The following SOX6 variants were observed in gnomAD, a reference collection of about 807,000 sequenced individuals.
The protein encoded by SOX6 is transcription factor SOX-6.
A neutral mutation model predicts 97.8 loss-of-function variants in SOX6; 11 were observed. The ratio of observed to expected loss-of-function variants is 0.11; its 90% confidence interval spans 0.07 to 0.19. SOX6 has a LOEUF of 0.19. Ranked by LOEUF, SOX6 falls within the 10% of genes least tolerant of loss-of-function variation. SOX6 has a pLI of 1.00. For missense variants in SOX6, 810 were observed against 1,039.5 expected (o/e 0.78, Z 3.04); for synonymous variants, 360 against 371.4 (o/e 0.97, Z 0.35).
intron 3 of SOX6, among the ~76,000 whole-genome samples, chr11:16,644,593 G>A (rs988877026): frequency 3.3e-5 from 5 of 152,146 alleles, no homozygotes; most frequent in Non-Finnish European, 5.9e-5. Flanking sequence ...TGGGGGGGTA[G>A]AGATTTAAAC....
At chr11:16,075,681 G>C (rs1009480063) in intron 9 of SOX6, among the ~76,000 whole-genome samples, 2 of 152,112 alleles carry the variant, frequency 1.3e-5, no homozygotes, top group African/African-American at 4.8e-5. Context: ...GGGAGGGATA[G>C]CGTTAGGAGA....
intron 4 of SOX6, among the ~76,000 whole-genome samples, chr11:16,555,899 T>C (rs893916474): frequency 6.6e-6 from 1 of 151,744 alleles, no homozygotes; most frequent in Admixed American, 6.6e-5. Context: ...TCTTTTCATA[T>C]AAATATTTCT....
At chr11:16,186,515 C>T (rs548128038) in intron 5 of SOX6, among the ~76,000 whole-genome samples, 2 of 152,206 alleles carry the variant, frequency 1.3e-5, no homozygotes, top group Admixed American at 6.5e-5. Context: ...GAATAAGCAT[C>T]CCCAAATCAT....
At chr11:16,452,718 GA>G (rs1044412940) in intron 1 of SOX6, among the ~76,000 whole-genome samples, 5 of 151,946 alleles carry the variant, frequency 3.3e-5, no homozygotes, top group African/African-American at 1.2e-4. Flanking sequence ...AAGAAAAGAG[GA>G]AAAAAATTTT....
chr11:16,188,935 T>C (rs960446809), intron 4 of SOX6, among the ~76,000 whole-genome samples: 4 of 151,816 alleles, frequency 2.6e-5, no homozygotes, highest in African/African-American at 9.7e-5. Context: ...TAGGGGTGGG[T>C]ACCTGTAGTC....
chr11:16,723,152 A>C (rs536484749), intron 2 of SOX6, among the ~76,000 whole-genome samples: 1 of 152,232 alleles, frequency 6.6e-6, no homozygotes, highest in South Asian at 2.1e-4. Context: ...GTCATAAAAA[A>C]GGATGAGATC....
chr11:15,978,954 A>AT (rs1564890365), intron 15 of SOX6, among the ~76,000 whole-genome samples: 173 of 138,362 alleles, frequency 1.3e-3, no homozygotes, highest in African/African-American at 4.2e-3. Context: ...AAGCATATAT[A>AT]ATGCTTATTT....
chr11:16,444,042 CT>C (rs60791574), intron 1 of SOX6, among the ~76,000 whole-genome samples: 1 of 150,042 alleles, frequency 6.7e-6, no homozygotes, highest in Non-Finnish European at 1.5e-5. Flanking sequence ...TTGCCCCGAC[CT>C]TTTTTTAAGT....
chr11:16,225,525 G>A (rs1438289829), intron 4 of SOX6, among the ~76,000 whole-genome samples: 2 of 150,954 alleles, frequency 1.3e-5, no homozygotes, highest in Admixed American at 6.6e-5. Flanking sequence ...GCAATGCATG[G>A]AATAAGCAAT....
chr11:16,722,987 A>G (rs1017719651), intron 2 of SOX6, among the ~76,000 whole-genome samples: 3 of 152,174 alleles, frequency 2.0e-5, no homozygotes, highest in Admixed American at 6.5e-5. Context: ...TATATACCCA[A>G]AGGAATATAA....
chr11:16,010,257 A>G (rs1480572146), intron 13 of SOX6, among the ~76,000 whole-genome samples: 1 of 151,968 alleles, frequency 6.6e-6, no homozygotes. Context: ...GCTTCTGAAG[A>G]AATGTGAGAG....
At chr11:16,077,378 A>C (rs765701960) in intron 9 of SOX6, among the ~76,000 whole-genome samples, 1 of 152,212 alleles carries the variant, frequency 6.6e-6, no homozygotes, top group Non-Finnish European at 1.5e-5. Context: ...AAGTTAGTTC[A>C]GCCATTGTGG....
At chr11:16,429,477 T>A (rs568910182) in intron 1 of SOX6, among the ~76,000 whole-genome samples, 2 of 152,298 alleles carry the variant, frequency 1.3e-5, no homozygotes, top group Admixed American at 1.3e-4. Flanking sequence ...ATATACACCA[T>A]GGAATACTAT....
intron 6 of SOX6, among the ~76,000 whole-genome samples, chr11:16,142,251 T>G (rs1337291838): frequency 6.6e-6 from 1 of 152,070 alleles, no homozygotes. Flanking sequence ...GGGTCTGGAG[T>G]GGACCTCCAG....
At chr11:16,523,326 A>G (rs4604834) in intron 4 of SOX6, among the ~76,000 whole-genome samples, 35,469 of 152,092 alleles carry the variant, frequency 0.23, 4,876 homozygotes, top group Non-Finnish European at 0.3. Context: ...GGATTAAGAA[A>G]CTCACTCAAA....
intron 3 of SOX6, among the ~76,000 whole-genome samples, chr11:16,253,281 G>A (rs1454452564): frequency 5.9e-5 from 9 of 151,844 alleles, no homozygotes; most frequent in Admixed American, 1.3e-4. Flanking sequence ...CCCAGGAGGC[G>A]GAGGTTGCAG....
intron 3 of SOX6, among the ~76,000 whole-genome samples, chr11:16,651,312 A>C (rs1847648234): frequency 6.6e-6 from 1 of 152,128 alleles, no homozygotes; most frequent in African/African-American, 2.4e-5. Flanking sequence ...CCAGGAAAAA[A>C]CAAAACAAAA....
At chr11:16,187,648 T>A (rs767656535) in intron 4 of SOX6, among the ~76,000 whole-genome samples, 2 of 152,100 alleles carry the variant, frequency 1.3e-5, no homozygotes, top group Non-Finnish European at 2.9e-5. Context: ...TTGTCATTTT[T>A]CAAAGAGAAA....
At chr11:16,132,455 AGAAAG>A (rs1849831820) in intron 6 of SOX6, among the ~76,000 whole-genome samples, 5 of 127,004 alleles carry the variant, frequency 3.9e-5, no homozygotes, top group African/African-American at 1.2e-4. Context: ...AAAGAAAGAA[AGAAAG>A]AAAGAAAGAA....
Sources: gnomAD v4.1 joint callset for allele counts (sites outside exome capture counted in the v4.1 genomes callset) on GRCh38, gnomAD v4.1.1 for gene constraint, MANE v1.5 for transcripts, NCBI Gene and HGNC (gene_info 2026-07-23, HGNC 2026-07-21) for gene names.